UGT1A5: variants seen among roughly 807,000 people sequenced by gnomAD.
UGT1A5 encodes UDP glucuronosyltransferase family 1 member A5.
In UGT1A5, 29 loss-of-function variants were observed where a neutral mutation model predicts 40.3. The ratio of observed to expected loss-of-function variants is 0.72; its 90% confidence interval spans 0.54 to 0.98. The LOEUF is 0.98. Among genes scored for constraint, UGT1A5 ranks in the 50% least tolerant of loss-of-function variants. UGT1A5 has a pLI of 0.00. For missense variants in UGT1A5, 678 were observed against 677.9 expected (o/e 1.00, Z 0.00); for synonymous variants, 257 against 262.5 (o/e 0.98, Z 0.20).
In UGT1A5 at chr2:233,769,857, CAAAAA is replaced by C; in HGVS notation, c.1307+1431_1307+1435del. On this transcript the variant is annotated intron_variant, in intron 4 of 4. Coordinates refer to ENST00000373414, the MANE Select transcript of UGT1A5 (RefSeq NM_019078.2). This position sits in a 1 kb window ranked among gnomAD's most constrained non-coding sequence, Gnocchi z 4.4. ...TGGGCAACAGAGTGAGACCCTGTCT[CAAAAA>C]AAAAAAAAAAAATGAAAAGTCCACA... The C allele has an allele frequency of 3.2e-4, 71 of 223,570 alleles. No homozygotes were observed. Among genetic ancestry groups the C allele is most frequent in the South Asian group, 7.7e-4 (7 of 9,102 alleles). The allele number at this position is 223,570 out of a possible 1,614,324, so 13.8% of individuals were successfully genotyped here.
At position 233,767,859 on chromosome 2, in the gene UGT1A5, G is replaced by A. The variant is rs750453538; in HGVS notation, c.1010G>A (p.Arg337Gln). ...LGKIPQTVLW[R>Q]YTGTRPSNLA... The stretch of plus-strand genomic sequence containing the variant: ...TTTTGCCCCTCCCAGGTCCTGTGGC[G>A]GTACACTGGAACCCGACCATCGAAT... The change falls in exon 3 of 5, where the codon CGG becomes CAG. Residue 337 changes from arginine to glutamine, a missense_variant. Arg to Gln is a conservative substitution (Grantham distance 43). Transcript: ENST00000373414. 15 of 1,613,938 alleles carry A rather than the reference G, an allele frequency of 9.3e-6. No homozygotes were observed. The highest frequency in any genetic ancestry group is 5.3e-5 in the African/African-American group (4 of 74,850).
At chr2:233,756,509 C>G (rs138449392) in intron 1 of UGT1A5, among the ~76,000 whole-genome samples, 3,057 of 152,098 alleles carry the variant, frequency 0.02, 61 homozygotes, top group Non-Finnish European at 0.029. Context: ...TATGGAGGGT[C>G]AAATGTGCAT....
In UGT1A5 at chr2:233,772,505, A is replaced by T. The variant is rs772037816; in HGVS notation, c.1551A>T (p.Lys517Asn). 13 of 1,614,204 alleles carry T rather than the reference A, an allele frequency of 8.1e-6. No individual in the cohort carries two copies. Among genetic ancestry groups the T allele is most frequent in the South Asian group, 1.1e-5 (1 of 91,082 alleles). ...TFKCCAYGYR[K>N]CLGKKGRVKK... is the part of the protein sequence containing the mutation. ...AATGTTGTGCTTATGGCTACCGGAA[A>T]TGCTTGGGGAAAAAAGGGCGAGTTA... The change falls in exon 5 of 5, where the codon AAA (lysine) becomes AAT (asparagine). Residue 517 changes from lysine (K) to asparagine (N), a missense_variant. Transcript: ENST00000373414.
chr2:233,750,115 A>G (rs996940371), intron 1 of UGT1A5, among the ~76,000 whole-genome samples: 2 of 151,884 alleles, frequency 1.3e-5, no homozygotes, highest in Non-Finnish European at 1.5e-5. Context: ...AGAAGACAGG[A>G]AGATGTGGGA....
chr2:233,717,641 G>A (rs869283), intron 1 of UGT1A5: 163,407 of 385,870 alleles, frequency 0.42, 37,925 homozygotes, highest in African/African-American at 0.72. Flanking sequence ...ATCCTGGGGC[G>A]ACCAGGACAA....
At chr2:233,766,273 TGGCCCGGGCTCG>T (rs1203864514) in intron 1 of UGT1A5, among the ~76,000 whole-genome samples, 2 of 151,808 alleles carry the variant, frequency 1.3e-5, no homozygotes, top group Non-Finnish European at 2.9e-5. Context: ...CCGGGCTCGG[TGGCCCGGGCTCG>T]GTGGCCTGGG....
In UGT1A5 at chr2:233,760,534, T is replaced by C. The variant is rs56059937; in HGVS notation, c.868-6500T>C. On this transcript the variant is annotated intron_variant, in intron 1 of 4. Coordinates refer to ENST00000373414, the MANE Select transcript of UGT1A5 (RefSeq NM_019078.2). ...CACCTTGAAGACGTACCCTGTGCCA[T>C]TCCAAAGGGAGGATGTGAAAGAGTC... is the stretch of plus-strand genomic sequence containing the variant. 3.7e-6 allele frequency: 6 copies of C among 1,614,240 alleles called. No individual in the cohort carries two copies. Among genetic ancestry groups the C allele is most frequent in the South Asian group, 3.3e-5 (3 of 91,088 alleles).
At chr2:233,715,797 G>A (rs139277356) in intron 1 of UGT1A5, among the ~76,000 whole-genome samples, 22 of 152,256 alleles carry the variant, frequency 1.4e-4, no homozygotes, top group African/African-American at 4.8e-4. Flanking sequence ...TATTTGGAAT[G>A]TGAAAATCTT....
At chr2:233,743,553 T>G in intron 1 of UGT1A5, 1 of 1,367,178 alleles carries the variant, frequency 7.3e-7, no homozygotes. Flanking sequence ...CCCCCCAAAA[T>G]ATTCTCCAGC....
At chr2:233,730,836 G>C (rs1337696398) in intron 1 of UGT1A5, among the ~76,000 whole-genome samples, 1 of 152,122 alleles carries the variant, frequency 6.6e-6, no homozygotes, top group African/African-American at 2.4e-5. Flanking sequence ...CTCAGGAGAG[G>C]CTCATCACAT....
At position 233,754,943 on chromosome 2, in the gene UGT1A5, T is replaced by C. The variant is rs746665032; in HGVS notation, c.868-12091T>C. 5.3e-6 allele frequency: 7 copies of C among 1,332,236 alleles called. No individual in the cohort carries two copies. The African/African-American group carries it at 1.0e-4, about 20-fold the overall frequency. The allele number at this position is 1,332,236 out of a possible 1,614,324, so 82.5% of individuals were successfully genotyped here. The stretch of plus-strand genomic sequence containing the variant: ...GGTTTCCCAAGAGGTCAAAGGAGAA[T>C]GGGTCCCGGCCGCCAAAGAACTCCC... On this transcript the variant is annotated intron_variant, in intron 1 of 4. Transcript: ENST00000373414.
intron 1 of UGT1A5, among the ~76,000 whole-genome samples, chr2:233,757,535 A>AATATATATACATATATAT (rs376887521): frequency 1.2e-3 from 108 of 88,048 alleles, no homozygotes; most frequent in Non-Finnish European, 1.7e-3. Context: ...GCCTGTAAGG[A>AATATATATACATATATAT]ATATATATAT....
At chr2:233,743,929 G>C in intron 1 of UGT1A5, 1 of 1,360,304 alleles carries the variant, frequency 7.4e-7, no homozygotes, top group Non-Finnish European at 9.8e-7. Flanking sequence ...TGGATGGCCA[G>C]AACGGCCCAC....
At chr2:233,732,348 G>A (rs2078262793) in intron 1 of UGT1A5, among the ~76,000 whole-genome samples, 1 of 152,214 alleles carries the variant, frequency 6.6e-6, no homozygotes, top group Non-Finnish European at 1.5e-5. Context: ...TGGTGTTTTA[G>A]TCATGAAGTC....
intron 1 of UGT1A5, among the ~76,000 whole-genome samples, chr2:233,717,462 T>C (rs1357156698): frequency 1.3e-5 from 2 of 152,152 alleles, no homozygotes; most frequent in African/African-American, 4.8e-5. Flanking sequence ...GCCTGTCCCA[T>C]GGGTTGTGTC....
At chr2:233,742,777 T>A (rs1286853753) in intron 1 of UGT1A5, 2 of 153,196 alleles carry the variant, frequency 1.3e-5, no homozygotes, top group African/African-American at 4.8e-5. Context: ...CATGTTGTTT[T>A]GAACCATCAT....
At chr2:233,729,849 A>G (rs745766875) in intron 1 of UGT1A5, 35 of 1,613,614 alleles carry the variant, frequency 2.2e-5, no homozygotes, top group Non-Finnish European at 2.5e-5. Context: ...TTTTTCAGAG[A>G]GAGGTGTCAG....
At chr2:233,762,774 G>T (rs1698159939) in intron 1 of UGT1A5, among the ~76,000 whole-genome samples, 2 of 149,604 alleles carry the variant, frequency 1.3e-5, no homozygotes, top group Non-Finnish European at 1.5e-5. Flanking sequence ...TCTATCTCTA[G>T]CTGATTATCT....
At chr2:233,716,242 C>T (rs116835228) in intron 1 of UGT1A5, among the ~76,000 whole-genome samples, 1,736 of 152,272 alleles carry the variant, frequency 0.011, 26 homozygotes, top group African/African-American at 0.04. Flanking sequence ...TTGTCCTGCC[C>T]GGACATCCAG....
Sources: allele counts gnomAD v4.1 joint callset (sites outside exome capture counted in the v4.1 genomes callset), GRCh38; gene constraint gnomAD v4.1.1; non-coding constraint Gnocchi (gnomAD v3.1); transcripts MANE v1.5; gene names NCBI Gene and HGNC (gene_info 2026-07-23, HGNC 2026-07-21).